CEP112: variants seen among roughly 807,000 people sequenced by gnomAD.
CEP112 encodes centrosomal protein of 112 kDa.
A neutral mutation model predicts 153.0 loss-of-function variants in CEP112; 127 were observed. The observed-to-expected ratio is 0.83, with a 90% confidence interval of 0.72 to 0.96. The LOEUF (loss-of-function observed/expected upper bound fraction) is 0.96, where lower values mean the gene tolerates loss of function less well. Among genes scored for constraint, CEP112 ranks in the 40% least tolerant of loss-of-function variants. The probability of loss-of-function intolerance (pLI) is 0.00; values close to 1 mark genes in which losing one functional copy is unlikely to be tolerated. For synonymous variants in CEP112, 358 were observed against 374.4 expected, an observed-to-expected ratio of 0.96 and a Z score of 0.51; for missense variants, 1,089 against 1,101.2, an observed-to-expected ratio of 0.99 and a Z score of 0.16.
chr17:66,032,324 C>T (rs557883025), intron 12 of CEP112, among the ~76,000 whole-genome samples: 152 of 145,900 alleles, frequency 1.0e-3, no homozygotes, highest in African/African-American at 3.2e-3. Context: ...TCTTAGCATT[C>T]ACAGGGCAGG....
chr17:65,802,574 T>C (rs1900024126), intron 21 of CEP112, among the ~76,000 whole-genome samples: 1 of 152,160 alleles, frequency 6.6e-6, no homozygotes, highest in Admixed American at 6.6e-5. Context: ...TACTCCTTTA[T>C]CTTCAATTCT....
chr17:65,661,597 G>A (rs1482475350), intron 24 of CEP112: 3 of 152,108 alleles, frequency 2.0e-5, no homozygotes, highest in Non-Finnish European at 4.4e-5. Flanking sequence ...ATTAGACTGT[G>A]GGTTCCCTGA....
At chr17:66,131,014 G>C (rs977659118) in intron 5 of CEP112, among the ~76,000 whole-genome samples, 2 of 152,118 alleles carry the variant, frequency 1.3e-5, no homozygotes, top group Non-Finnish European at 2.9e-5. Context: ...TGACAGCCCA[G>C]AAAGTGTATT....
chr17:65,701,888 T>G lies in CEP112; in HGVS notation c.2608-12670A>C, dbSNP rs111638649. 5.4e-3 allele frequency among the ~76,000 whole-genome samples: 795 copies of G among 147,056 alleles called. 7 individuals are homozygous for G. The highest frequency in any genetic ancestry group is 0.02 in the African/African-American group (764 of 38,368). The stretch of plus-strand genomic sequence containing the variant: ...AGTTGCCCACATTCCTTCAACTTCT[T>G]TTTTTTTTTGTTTTTTTTTTTTTTT... On this transcript the variant is annotated intron_variant, in intron 23 of 26. Coordinates refer to ENST00000535342, the MANE Select transcript of CEP112 (RefSeq NM_001199165.4).
intron 8 of CEP112, among the ~76,000 whole-genome samples, chr17:66,093,794 C>T (rs1246924891): frequency 1.3e-5 from 2 of 152,032 alleles, no homozygotes; most frequent in Admixed American, 1.3e-4. Context: ...TATCAAAATT[C>T]CAATGGCATT....
At chr17:65,971,415 A>AGCACATATTGGATGCATGTGATGTAT (rs148309566) in intron 17 of CEP112, among the ~76,000 whole-genome samples, 2 of 151,416 alleles carry the variant, frequency 1.3e-5, no homozygotes, top group East Asian at 1.9e-4. Flanking sequence ...GCACCCATGC[A>AGCACATATTGGATGCATGTGATGTAT]GCATGCTGCA....
At chr17:66,057,174 G>A (rs1390086674) in intron 11 of CEP112, among the ~76,000 whole-genome samples, 2 of 152,138 alleles carry the variant, frequency 1.3e-5, no homozygotes, top group African/African-American at 4.8e-5. Flanking sequence ...GAATGACGAC[G>A]GACAGACTGG....
intron 12 of CEP112, chr17:66,043,294 C>G (rs919903856): frequency 7.2e-5 from 11 of 152,558 alleles, no homozygotes; most frequent in African/African-American, 2.7e-4. Context: ...GTTCATTACA[C>G]TACTGAGCAA....
chr17:65,803,185 GA>G (rs1568036600), intron 21 of CEP112, among the ~76,000 whole-genome samples: 1 of 152,204 alleles, frequency 6.6e-6, no homozygotes. Context: ...CGTAAGTGAA[GA>G]AGACTTCAAT....
intron 20 of CEP112, among the ~76,000 whole-genome samples, chr17:65,890,091 C>A (rs1241803246): frequency 6.6e-6 from 1 of 152,126 alleles, no homozygotes; most frequent in East Asian, 1.9e-4. Context: ...TTTTTAAAGA[C>A]AAAATTCAAA....
chr17:65,934,288 T>C lies in CEP112; in HGVS notation c.1873-6599A>G, dbSNP rs540614131. On this transcript the variant is annotated intron_variant, in intron 18 of 26. Transcript: ENST00000535342. ...AGAATAAAAGTGTACAGTTTTTATATGCAATAAAGTTATTATCATCTTGAA... is the reference window on the plus strand; with the variant it reads ...AGAATAAAAGTGTACAGTTTTTATACGCAATAAAGTTATTATCATCTTGAA... 2.6e-4 allele frequency among the ~76,000 whole-genome samples: 39 copies of C among 152,318 alleles called. No homozygotes were observed. In the East Asian group the frequency reaches 6.9e-3, roughly 27 times the overall value.
intron 4 of CEP112, among the ~76,000 whole-genome samples, chr17:66,142,593 T>G (rs930520628): frequency 2.0e-5 from 3 of 152,188 alleles, no homozygotes; most frequent in Non-Finnish European, 4.4e-5. Flanking sequence ...CTAACACCAT[T>G]TATTGAAGTG....
chr17:66,103,456 T>A (rs1323215588), intron 6 of CEP112, among the ~76,000 whole-genome samples: 2 of 152,158 alleles, frequency 1.3e-5, no homozygotes, highest in Admixed American at 1.3e-4. Flanking sequence ...CCTACTTACA[T>A]AGAACTCTAT....
intron 17 of CEP112, among the ~76,000 whole-genome samples, chr17:65,970,866 C>T (rs2062734359): frequency 2.1e-5 from 1 of 46,718 alleles, no homozygotes; most frequent in Non-Finnish European, 4.6e-5. Flanking sequence ...TATCTGCATG[C>T]TGCATCGCAT....
At chr17:65,685,369 A>T (rs1036376082) in intron 24 of CEP112, among the ~76,000 whole-genome samples, 7 of 152,308 alleles carry the variant, frequency 4.6e-5, no homozygotes, top group Admixed American at 1.3e-4. Context: ...CAAGCAAGTT[A>T]AAAAAAGCAG....
chr17:66,084,922 C>A lies in CEP112; in HGVS notation c.768+11329G>T, dbSNP rs1374820218. On this transcript the variant is annotated intron_variant, in intron 8 of 26. Transcript: ENST00000535342. ...GCCTGTATCAAACTATATCATGTAA[C>A]CCACAAATATATACACCTACTATGT... 2.0e-5 allele frequency among the ~76,000 whole-genome samples: 3 copies of A among 152,046 alleles called. No homozygotes were observed. In the East Asian group the frequency reaches 5.8e-4, roughly 29 times the overall value.
intron 21 of CEP112, among the ~76,000 whole-genome samples, chr17:65,779,354 G>T (rs1053517288): frequency 3.3e-5 from 5 of 152,180 alleles, no homozygotes; most frequent in African/African-American, 9.7e-5. Context: ...CGAGACAGGA[G>T]AGTGGTAGGA....
chr17:65,770,236 T>C (rs1051565322), intron 21 of CEP112, among the ~76,000 whole-genome samples: 2 of 151,188 alleles, frequency 1.3e-5, no homozygotes, highest in African/African-American at 2.4e-5. Flanking sequence ...GAAATAAATA[T>C]AAAATCTTAT....
intron 6 of CEP112, among the ~76,000 whole-genome samples, chr17:66,102,621 C>T (rs1380950248): frequency 1.3e-5 from 2 of 150,892 alleles, no homozygotes; most frequent in African/African-American, 4.9e-5. Context: ...CATGGTGAAA[C>T]CCCGTCTCTA....
Sources: allele counts gnomAD v4.1 joint callset (sites outside exome capture counted in the v4.1 genomes callset), GRCh38; gene constraint gnomAD v4.1.1; transcripts MANE v1.5; gene names NCBI Gene and HGNC (gene_info 2026-07-23, HGNC 2026-07-21).